The following NEGR1 variants were observed in gnomAD, a reference collection of about 807,000 sequenced individuals.
NEGR1 encodes IgLON family member 4.
In NEGR1, 10 loss-of-function variants were observed where a neutral mutation model predicts 40.9. The ratio of observed to expected loss-of-function variants is 0.24; its 90% CI spans 0.15 to 0.42. The LOEUF (loss-of-function observed/expected upper bound fraction) is 0.42. Among genes scored for constraint, NEGR1 ranks in the 10% least tolerant of loss-of-function variants. NEGR1 has a pLI of 1.00. For synonymous variants in NEGR1, 185 were observed against 166.8 expected (o/e 1.11, Z -0.84); for missense variants, 352 against 438.9 (o/e 0.80, Z 1.77).
chr1:72,078,950 T>C (rs1309503499), intron 1 of NEGR1, among the ~76,000 whole-genome samples: 2 of 151,526 alleles, frequency 1.3e-5, no homozygotes, highest in Non-Finnish European at 2.9e-5. Context: ...TATTTATTGA[T>C]ATTTTAACTA....
chr1:72,198,916 T>C (rs1219949581), intron 1 of NEGR1, among the ~76,000 whole-genome samples: 2 of 152,062 alleles, frequency 1.3e-5, no homozygotes, highest in East Asian at 3.9e-4. Context: ...TTTTGTTCTA[T>C]GTTTAAGTTC....
chr1:71,437,225 A>G (rs1306647681), intron 6 of NEGR1, among the ~76,000 whole-genome samples: 2 of 152,142 alleles, frequency 1.3e-5, no homozygotes, highest in African/African-American at 2.4e-5. Flanking sequence ...AGGCAACAAT[A>G]TAGAGACAGA....
At chr1:72,070,915 GT>G (rs756528872) in intron 1 of NEGR1, among the ~76,000 whole-genome samples, 1 of 151,908 alleles carries the variant, frequency 6.6e-6, no homozygotes, top group East Asian at 1.9e-4. Context: ...CCTTTAGAAT[GT>G]TTTTTTCATT....
intron 3 of NEGR1, among the ~76,000 whole-genome samples, chr1:71,772,635 A>G (rs1350331846): frequency 6.6e-6 from 1 of 152,216 alleles, no homozygotes; most frequent in Non-Finnish European, 1.5e-5. Flanking sequence ...GTATGATACC[A>G]ATGTTAAATT....
intron 1 of NEGR1, among the ~76,000 whole-genome samples, chr1:72,053,274 A>T (rs143631691): frequency 6.6e-6 from 1 of 151,158 alleles, no homozygotes; most frequent in African/African-American, 2.4e-5. Flanking sequence ...AGACATTGTC[A>T]TCTTATTCAT....
intron 1 of NEGR1, among the ~76,000 whole-genome samples, chr1:71,998,249 T>C (rs1570592976): frequency 1.3e-5 from 2 of 151,930 alleles, no homozygotes; most frequent in South Asian, 2.1e-4. Context: ...AAATAATGCA[T>C]GTAAAGTGAT....
intron 6 of NEGR1, among the ~76,000 whole-genome samples, chr1:71,542,693 T>G (rs1353979463): frequency 2.0e-5 from 3 of 151,690 alleles, no homozygotes; most frequent in Non-Finnish European, 4.4e-5. Context: ...ACAACAACAT[T>G]ACTCTAAATA....
At chr1:71,573,059 T>C (rs907346121) in intron 6 of NEGR1, among the ~76,000 whole-genome samples, 2 of 152,180 alleles carry the variant, frequency 1.3e-5, no homozygotes, top group Non-Finnish European at 2.9e-5. Flanking sequence ...CCCTCCCACA[T>C]ACAAAATTAC....
intron 6 of NEGR1, among the ~76,000 whole-genome samples, chr1:71,586,041 T>C (rs1474280526): frequency 6.6e-6 from 1 of 152,120 alleles, no homozygotes; most frequent in Non-Finnish European, 1.5e-5. Flanking sequence ...ATAAAAATAA[T>C]TTATTTTCCC....
At chr1:71,851,734 T>G (rs983795519) in intron 2 of NEGR1, among the ~76,000 whole-genome samples, 55 of 152,144 alleles carry the variant, frequency 3.6e-4, no homozygotes, top group Admixed American at 4.6e-4. Context: ...GATTTTAAAG[T>G]AAATTCTATT....
At chr1:71,496,834 A>G (rs1464348243) in intron 6 of NEGR1, among the ~76,000 whole-genome samples, 2 of 152,158 alleles carry the variant, frequency 1.3e-5, no homozygotes, top group African/African-American at 4.8e-5. Flanking sequence ...TATCAATGGA[A>G]TAAGTGTGTA....
At chr1:72,142,608 A>G (rs531232259) in intron 1 of NEGR1, among the ~76,000 whole-genome samples, 1 of 152,014 alleles carries the variant, frequency 6.6e-6, no homozygotes, top group South Asian at 2.1e-4. Flanking sequence ...TAGTATAAAC[A>G]TACCCTCATA....
intron 1 of NEGR1, among the ~76,000 whole-genome samples, chr1:71,990,538 T>C (rs965143408): frequency 6.6e-6 from 1 of 152,162 alleles, no homozygotes; most frequent in Non-Finnish European, 1.5e-5. Flanking sequence ...GTTATAGCTA[T>C]GAAATGCATG....
intron 1 of NEGR1, among the ~76,000 whole-genome samples, chr1:72,230,595 G>A (rs1654331722): frequency 6.6e-6 from 1 of 151,984 alleles, no homozygotes; most frequent in South Asian, 2.1e-4. Context: ...CTCAAATACT[G>A]CACTTAGCCA....
intron 1 of NEGR1, among the ~76,000 whole-genome samples, chr1:71,938,105 A>C (rs1645925289): frequency 1.3e-5 from 2 of 152,118 alleles, no homozygotes; most frequent in Non-Finnish European, 2.9e-5. Flanking sequence ...TTTAAGATAC[A>C]CATTAGTAAT....
chr1:72,145,521 T>C (rs1477978417), intron 1 of NEGR1, among the ~76,000 whole-genome samples: 1 of 152,148 alleles, frequency 6.6e-6, no homozygotes, highest in Admixed American at 6.6e-5. Context: ...GACAAGTGAA[T>C]GTGCATGCAT....
At chr1:71,863,813 G>A (rs187541931) in intron 2 of NEGR1, among the ~76,000 whole-genome samples, 1 of 152,178 alleles carries the variant, frequency 6.6e-6, no homozygotes, top group Admixed American at 6.6e-5. Context: ...CACCCAACGT[G>A]TTGATTATAC....
chr1:72,086,773 A>T (rs1474559450), intron 1 of NEGR1, among the ~76,000 whole-genome samples: 1 of 152,192 alleles, frequency 6.6e-6, no homozygotes, highest in Non-Finnish European at 1.5e-5. Context: ...AGGTCGTGTT[A>T]TATTTATTAT....
chr1:71,425,028 C>A (rs1646420148), intron 6 of NEGR1, among the ~76,000 whole-genome samples: 4 of 151,864 alleles, frequency 2.6e-5, no homozygotes, highest in Admixed American at 2.6e-4. Context: ...AAAGCAAATG[C>A]AAGTTAACAA....
Sources: allele counts gnomAD v4.1 joint callset (sites outside exome capture counted in the v4.1 genomes callset), GRCh38; gene constraint gnomAD v4.1.1; transcripts MANE v1.5; gene names NCBI Gene and HGNC (gene_info 2026-07-23, HGNC 2026-07-21).